RBFOX1: variants seen among roughly 807,000 people sequenced by gnomAD.
RBFOX1 encodes the protein RNA binding fox-1 homolog 1.
In RBFOX1, 8 loss-of-function variants were observed where a neutral mutation model predicts 57.7. The observed-to-expected ratio is 0.14, with a 90% confidence interval of 0.08 to 0.25. RBFOX1 has a LOEUF of 0.25. Ranked by LOEUF, RBFOX1 falls within the 10% of genes least tolerant of loss-of-function variation. RBFOX1 has a pLI of 1.00. For missense variants in RBFOX1, 611 were observed against 548.5 expected (o/e 1.11, Z -1.14); for synonymous variants, 326 against 222.4 (o/e 1.47, Z -4.15).
intron 2 of RBFOX1, among the ~76,000 whole-genome samples, chr16:5,480,463 C>T (rs2069493426): frequency 6.6e-6 from 1 of 152,076 alleles, no homozygotes; most frequent in South Asian, 2.1e-4. Flanking sequence ...AAAAATGTTC[C>T]ATGAACTCAC....
chr16:6,002,292 C>A (rs1052366724), intron 4 of RBFOX1, among the ~76,000 whole-genome samples: 10 of 152,146 alleles, frequency 6.6e-5, no homozygotes, highest in African/African-American at 1.4e-4. Context: ...TTTCAACTTA[C>A]GATTGTGTCT....
chr16:7,656,863 G>C (rs1597426576), intron 12 of RBFOX1, among the ~76,000 whole-genome samples: 1 of 152,160 alleles, frequency 6.6e-6, no homozygotes, highest in Non-Finnish European at 1.5e-5. Context: ...GGTGTTTACA[G>C]AAGGCATCCC....
chr16:7,177,383 G>A (rs1005632162), intron 4 of RBFOX1, among the ~76,000 whole-genome samples: 2 of 152,096 alleles, frequency 1.3e-5, no homozygotes, highest in African/African-American at 2.4e-5. Flanking sequence ...ATAAATGCTG[G>A]AGGTGATGGG....
intron 3 of RBFOX1, among the ~76,000 whole-genome samples, chr16:5,826,605 G>C (rs1165942417): frequency 6.6e-6 from 1 of 152,228 alleles, no homozygotes; most frequent in African/African-American, 2.4e-5. Context: ...AGCTGGGCCA[G>C]ATTTGGCTTG....
intron 4 of RBFOX1, among the ~76,000 whole-genome samples, chr16:6,009,047 G>C (rs1197539044): frequency 6.6e-6 from 1 of 151,960 alleles, no homozygotes; most frequent in Non-Finnish European, 1.5e-5. Flanking sequence ...AAAATGGAGA[G>C]GGATGCAAGA....
intron 1 of RBFOX1, among the ~76,000 whole-genome samples, chr16:5,426,585 C>T (rs139344108): frequency 1.2e-3 from 177 of 152,288 alleles, no homozygotes; most frequent in African/African-American, 4.1e-3. Context: ...GATTTCTTTG[C>T]TGGAGGAAAT....
chr16:6,409,995 CT>C (rs1485235350), intron 2 of RBFOX1, among the ~76,000 whole-genome samples: 1 of 152,108 alleles, frequency 6.6e-6, no homozygotes, highest in Non-Finnish European at 1.5e-5. Context: ...CTTTACCTGT[CT>C]TGCCTGTTCA....
At chr16:7,260,923 A>G (rs1191789727) in intron 4 of RBFOX1, among the ~76,000 whole-genome samples, 2 of 152,192 alleles carry the variant, frequency 1.3e-5, no homozygotes, top group African/African-American at 4.8e-5. Context: ...CATTACGGTG[A>G]ATGCTAGGCT....
intron 3 of RBFOX1, among the ~76,000 whole-genome samples, chr16:5,615,148 T>C (rs1429189904): frequency 2.6e-5 from 4 of 152,152 alleles, no homozygotes. Flanking sequence ...GATATTTCCA[T>C]CCCAGCCTCC....
chr16:7,328,344 G>A (rs1194799700), intron 4 of RBFOX1, among the ~76,000 whole-genome samples: 1 of 151,940 alleles, frequency 6.6e-6, no homozygotes, highest in African/African-American at 2.4e-5. Flanking sequence ...GGCAGGTGTG[G>A]TGGCGGATCC....
chr16:5,547,493 AG>A (rs146448182), intron 2 of RBFOX1, among the ~76,000 whole-genome samples: 7,544 of 152,322 alleles, frequency 0.05, 212 homozygotes, highest in East Asian at 0.1. Context: ...GCTCAGTGAA[AG>A]ATGCCAGATA....
At chr16:6,174,370 A>C (rs1435531330) in intron 1 of RBFOX1, among the ~76,000 whole-genome samples, 2 of 152,290 alleles carry the variant, frequency 1.3e-5, no homozygotes, top group Middle Eastern at 3.4e-3. Flanking sequence ...CAAGGAGGGC[A>C]GATCACCTGA....
In RBFOX1 at chr16:7,341,260, C is replaced by T. The variant is rs113754881; in HGVS notation, c.28-176887C>T. On this transcript the variant is annotated intron_variant, in intron 4 of 15. Transcript: ENST00000550418. The stretch of plus-strand genomic sequence containing the variant: ...AACTCAATACTCTGAAGGTCTTTTC[C>T]TCTGAGCAACCGAGACCATTATCTT... Among the ~76,000 whole-genome samples, 173 of 152,266 alleles carry T rather than the reference C, an allele frequency of 1.1e-3. 2 individuals carry two copies. Among genetic ancestry groups the T allele is most frequent in the South Asian group, 3.3e-3 (16 of 4,814 alleles).
intron 3 of RBFOX1, among the ~76,000 whole-genome samples, chr16:5,809,836 A>C (rs1331398095): frequency 6.6e-6 from 1 of 152,174 alleles, no homozygotes; most frequent in Non-Finnish European, 1.5e-5. Flanking sequence ...TATATACCCA[A>C]AGGACTATAA....
chr16:6,996,004 T>C (rs565918356), intron 3 of RBFOX1, among the ~76,000 whole-genome samples: 2 of 152,324 alleles, frequency 1.3e-5, no homozygotes, highest in South Asian at 4.1e-4. Flanking sequence ...ATTTATAGCA[T>C]ACAAATCTAA....
intron 2 of RBFOX1, among the ~76,000 whole-genome samples, chr16:6,488,367 AG>A (rs1415844245): frequency 1.3e-5 from 2 of 152,162 alleles, no homozygotes; most frequent in African/African-American, 4.8e-5. Context: ...GATGAGGATG[AG>A]GATGTGATAA....
At chr16:7,360,273 T>G (rs1356119291) in intron 4 of RBFOX1, among the ~76,000 whole-genome samples, 1 of 152,148 alleles carries the variant, frequency 6.6e-6, no homozygotes, top group Admixed American at 6.5e-5. Context: ...CTAGAATTCT[T>G]AGAATAGACT....
intron 3 of RBFOX1, among the ~76,000 whole-genome samples, chr16:6,728,326 C>A (rs192575176): frequency 6.6e-6 from 1 of 151,918 alleles, no homozygotes; most frequent in Non-Finnish European, 1.5e-5. Flanking sequence ...AAAAACGTAA[C>A]TTGAGCAAAT....
intron 2 of RBFOX1, among the ~76,000 whole-genome samples, chr16:6,338,713 G>A (rs1567967789): frequency 6.6e-6 from 1 of 152,142 alleles, no homozygotes; most frequent in East Asian, 1.9e-4. Flanking sequence ...CAAGAGACCT[G>A]AAAAAGTTAG....
Sources: allele counts gnomAD v4.1 joint callset (sites outside exome capture counted in the v4.1 genomes callset), GRCh38; gene constraint gnomAD v4.1.1; transcripts MANE v1.5; gene names NCBI Gene and HGNC (gene_info 2026-07-23, HGNC 2026-07-21).